DPP10: variants seen among roughly 807,000 people sequenced by gnomAD.
The protein encoded by DPP10 is dipeptidyl peptidase like 10.
In DPP10, 33 loss-of-function variants were observed where a neutral mutation model predicts 120.9. That is an observed-to-expected ratio of 0.27 (90% CI 0.21 to 0.37). The LOEUF is 0.37. Ranked by LOEUF, DPP10 falls within the 10% of genes least tolerant of loss-of-function variation. DPP10 has a pLI of 1.00. For synonymous variants in DPP10, 337 were observed against 326.1 expected (o/e 1.03, Z -0.36); for missense variants, 816 against 942.8 (o/e 0.87, Z 1.76).
At chr2:115,380,713 G>T (rs1329830083) in intron 3 of DPP10, among the ~76,000 whole-genome samples, 6 of 152,050 alleles carry the variant, frequency 3.9e-5, no homozygotes, top group Admixed American at 3.9e-4. Context: ...TCCATGTTTA[G>T]TGCTTCCTTC....
chr2:114,795,154 A>G (rs1367324465), intron 1 of DPP10, among the ~76,000 whole-genome samples: 1 of 152,112 alleles, frequency 6.6e-6, no homozygotes, highest in East Asian at 1.9e-4. Flanking sequence ...CCTCTCTTGG[A>G]TAAGGAGACC....
intron 1 of DPP10, among the ~76,000 whole-genome samples, chr2:115,237,351 A>G (rs1356623825): frequency 5.9e-5 from 9 of 152,262 alleles, no homozygotes; most frequent in Admixed American, 2.6e-4. Flanking sequence ...CAGCAAAGTT[A>G]ATCAATAAAT....
intron 1 of DPP10, among the ~76,000 whole-genome samples, chr2:114,676,663 G>A (rs891715999): frequency 6.6e-5 from 10 of 152,050 alleles, no homozygotes; most frequent in South Asian, 4.1e-4. Flanking sequence ...TTAAGAAACA[G>A]CATTTCTAAC....
intron 3 of DPP10, among the ~76,000 whole-genome samples, chr2:115,408,277 C>T (rs2068681018): frequency 1.3e-5 from 2 of 152,112 alleles, no homozygotes; most frequent in African/African-American, 2.4e-5. Context: ...GCAAATGGTA[C>T]AGACTTCCTG....
intron 3 of DPP10, among the ~76,000 whole-genome samples, chr2:115,495,114 CAA>C (rs1319806480): frequency 6.6e-6 from 1 of 151,882 alleles, no homozygotes; most frequent in Non-Finnish European, 1.5e-5. Context: ...CAACATTTTA[CAA>C]GAGTCGGAGT....
At chr2:114,453,514 A>T (rs1221683415) in intron 1 of DPP10, among the ~76,000 whole-genome samples, 1 of 152,164 alleles carries the variant, frequency 6.6e-6, no homozygotes, top group African/African-American at 2.4e-5. Flanking sequence ...AGGGTCTATC[A>T]CAATTATGTC....
chr2:115,117,910 G>A (rs540299287), intron 1 of DPP10, among the ~76,000 whole-genome samples: 18 of 152,280 alleles, frequency 1.2e-4, no homozygotes, highest in Admixed American at 2.0e-4. Context: ...ATTGTGGAGA[G>A]CATGGATGAA....
chr2:114,816,085 A>C (rs923737639), intron 1 of DPP10, among the ~76,000 whole-genome samples: 1 of 152,176 alleles, frequency 6.6e-6, no homozygotes. Context: ...AATAAAATGC[A>C]GTCTGCTTAT....
At chr2:115,780,146 G>A (rs1682574802) in intron 15 of DPP10, among the ~76,000 whole-genome samples, 1 of 151,744 alleles carries the variant, frequency 6.6e-6, no homozygotes, top group Admixed American at 6.6e-5. Context: ...ACCAAATTTT[G>A]CATTCAGACT....
At chr2:115,096,778 T>C (rs1339506553) in intron 1 of DPP10, among the ~76,000 whole-genome samples, 7 of 152,196 alleles carry the variant, frequency 4.6e-5, no homozygotes, top group African/African-American at 1.7e-4. Context: ...TATGTACTTG[T>C]ATATTTGTTC....
chr2:115,382,254 C>G (rs568407676), intron 3 of DPP10, among the ~76,000 whole-genome samples: 1 of 152,288 alleles, frequency 6.6e-6, no homozygotes, highest in East Asian at 1.9e-4. Context: ...GGGATATAAT[C>G]TCCTGGTGTG....
intron 1 of DPP10, among the ~76,000 whole-genome samples, chr2:115,141,845 C>T (rs1306845428): frequency 6.6e-6 from 1 of 152,104 alleles, no homozygotes; most frequent in African/African-American, 2.4e-5. Context: ...TCAACGTCAG[C>T]TCACTGCAAC....
chr2:115,502,868 A>G (rs2076754594), intron 4 of DPP10, among the ~76,000 whole-genome samples: 1 of 43,110 alleles, frequency 2.3e-5, no homozygotes. Flanking sequence ...TAATTTTTTA[A>G]AACAGTTTTT....
rs1205719127 is a variant in DPP10, at chr2:114,977,060, T to G, written c.61-332179T>G. On this transcript the variant is annotated intron_variant, in intron 1 of 25. Coordinates refer to ENST00000410059, the MANE Select transcript of DPP10 (RefSeq NM_020868.6). ...GTTTATTTTGGCTTTCATTCATTTATTATATTAATATCTGTAGCAAAATTG... is the reference window on the plus strand; with the variant it reads ...GTTTATTTTGGCTTTCATTCATTTAGTATATTAATATCTGTAGCAAAATTG... Among the ~76,000 whole-genome samples the G allele has an allele frequency of 2.0e-5, 3 of 152,328 alleles. No homozygotes were observed. In the East Asian group the frequency reaches 5.8e-4, roughly 29 times the overall value.
At chr2:115,589,786 T>C (rs2082513822) in intron 5 of DPP10, among the ~76,000 whole-genome samples, 1 of 152,156 alleles carries the variant, frequency 6.6e-6, no homozygotes, top group South Asian at 2.1e-4. Flanking sequence ...AAATTTAAAG[T>C]ATAAGTAATA....
At chr2:115,812,367 G>A (rs954328567) in intron 19 of DPP10, among the ~76,000 whole-genome samples, 1 of 152,042 alleles carries the variant, frequency 6.6e-6, no homozygotes, top group Non-Finnish European at 1.5e-5. Context: ...ACAAGCATTG[G>A]CTGTGTCCTA....
At chr2:115,776,851 T>C (rs1475921365) in intron 13 of DPP10, among the ~76,000 whole-genome samples, 5 of 83,794 alleles carry the variant, frequency 6.0e-5, no homozygotes, top group Non-Finnish European at 1.3e-4. Flanking sequence ...GAGTAAAGTT[T>C]GTTCTAAAAT....
intron 5 of DPP10, among the ~76,000 whole-genome samples, chr2:115,584,233 T>A (rs2082160143): frequency 6.6e-6 from 1 of 152,230 alleles, no homozygotes; most frequent in Non-Finnish European, 1.5e-5. Flanking sequence ...ATCACTCTTA[T>A]AAATGGAAAG....
rs76066818 is a variant in DPP10 at position 114,843,201 on chromosome 2, G to C, written c.60+400363G>C. Among the ~76,000 whole-genome samples, 1,322 of 152,108 alleles carry C rather than the reference G, an allele frequency of 8.7e-3. 7 individuals carry two copies. Among genetic ancestry groups the C allele is most frequent in the Non-Finnish European group, 0.014 (973 of 67,984 alleles). ...AGAAATGAACCGAAAAATAATCCCA[G>C]GATGGTACTACTTATCTGATTCTTG... is the stretch of plus-strand genomic sequence containing the variant. On this transcript the variant is annotated intron_variant, in intron 1 of 25. Transcript: ENST00000410059.
Sources: allele counts gnomAD v4.1 joint callset (sites outside exome capture counted in the v4.1 genomes callset), GRCh38; gene constraint gnomAD v4.1.1; transcripts MANE v1.5; gene names NCBI Gene and HGNC (gene_info 2026-07-23, HGNC 2026-07-21).